SEMA3C: variants seen among roughly 807,000 people sequenced by gnomAD.
SEMA3C encodes semaphorin 3C.
In SEMA3C, 47 loss-of-function variants were observed where a neutral mutation model predicts 89.4. The ratio of observed to expected loss-of-function variants is 0.53; its 90% CI spans 0.42 to 0.67. The LOEUF (loss-of-function observed/expected upper bound fraction) is 0.67. Ranked by LOEUF, SEMA3C falls within the 30% of genes least tolerant of loss-of-function variation. SEMA3C has a pLI of 0.00. For missense variants in SEMA3C, 839 were observed against 929.1 expected (o/e 0.90, Z 1.26); for synonymous variants, 310 against 320.2 (o/e 0.97, Z 0.34).
At chr7:80,813,315 C>T (rs1789515285) in intron 5 of SEMA3C, among the ~76,000 whole-genome samples, 1 of 152,132 alleles carries the variant, frequency 6.6e-6, no homozygotes, top group East Asian at 1.9e-4. Flanking sequence ...TTTGTGATCA[C>T]CAACCACAAG....
At chr7:80,875,703 G>A (rs1320614248) in intron 2 of SEMA3C, among the ~76,000 whole-genome samples, 1 of 151,698 alleles carries the variant, frequency 6.6e-6, no homozygotes, top group African/African-American at 2.4e-5. Context: ...TGGGTGATCA[G>A]ACTGACTGCA....
intron 4 of SEMA3C, among the ~76,000 whole-genome samples, chr7:80,825,492 A>C (rs1789851353): frequency 6.6e-6 from 1 of 152,210 alleles, no homozygotes; most frequent in African/African-American, 2.4e-5. Flanking sequence ...GAAGATTTTT[A>C]TCTAATAACG....
chr7:80,806,891 G>A (rs560080968), intron 6 of SEMA3C, among the ~76,000 whole-genome samples: 10 of 151,958 alleles, frequency 6.6e-5, no homozygotes, highest in Non-Finnish European at 1.2e-4. Flanking sequence ...AGTACCAGTC[G>A]GCCCAGCATT....
chr7:80,903,889 T>C (rs940792719), intron 2 of SEMA3C, among the ~76,000 whole-genome samples: 1 of 152,122 alleles, frequency 6.6e-6, no homozygotes, highest in African/African-American at 2.4e-5. Flanking sequence ...TTCCCTATCT[T>C]CTACTTCCAC....
chr7:80,878,293 G>A (rs755692680), intron 2 of SEMA3C, among the ~76,000 whole-genome samples: 6 of 152,116 alleles, frequency 3.9e-5, no homozygotes, highest in African/African-American at 7.2e-5. Flanking sequence ...CAGGAGAATC[G>A]CTTGAACCTG....
chr7:80,804,604 T>C (rs1789293267), intron 7 of SEMA3C, among the ~76,000 whole-genome samples: 1 of 152,176 alleles, frequency 6.6e-6, no homozygotes, highest in African/African-American at 2.4e-5. Flanking sequence ...CTCAAATTTG[T>C]TGAAGCAGAA....
chr7:80,881,905 T>C (rs1276104323), intron 2 of SEMA3C, among the ~76,000 whole-genome samples: 1 of 152,130 alleles, frequency 6.6e-6, no homozygotes, highest in Non-Finnish European at 1.5e-5. Context: ...GATACAAGTA[T>C]CATCTATTGG....
chr7:80,913,140 C>T (rs910979871), intron 2 of SEMA3C, among the ~76,000 whole-genome samples: 4 of 152,170 alleles, frequency 2.6e-5, no homozygotes, highest in Non-Finnish European at 2.9e-5. Flanking sequence ...GTGGCTCACG[C>T]CTGTAATGTC....
Position 80,749,027 on chromosome 7 carries a change from T to A in SEMA3C, c.1713A>T (p.Ala571=), listed in dbSNP as rs201228749. The part of the protein sequence containing the change: ...LTQCRGFNLK[A]YRNAAEIVQY... ...GGACAATTTCAGCTGCATTTCTGTATGCTAGCAGGCAAAAATAAAAGGCGA... is the reference window on the plus strand; with the variant it reads ...GGACAATTTCAGCTGCATTTCTGTAAGCTAGCAGGCAAAAATAAAAGGCGA... Residue 571 remains alanine, a splice_region_variant and synonymous_variant, in exon 17 of 18, where the codon GCA becomes GCT. Transcript: ENST00000265361. 7.1e-5 allele frequency: 113 copies of A among 1,597,018 alleles called. No individual in the cohort carries two copies. In the Middle Eastern group the frequency reaches 8.4e-4, roughly 12 times the overall value.
chr7:80,887,915 A>C (rs551805154), intron 2 of SEMA3C, among the ~76,000 whole-genome samples: 1 of 152,314 alleles, frequency 6.6e-6, no homozygotes, highest in East Asian at 1.9e-4. Context: ...TATCAACAGT[A>C]AATAGTCTAC....
At chr7:80,904,013 A>C (rs1791948058) in intron 2 of SEMA3C, among the ~76,000 whole-genome samples, 1 of 152,176 alleles carries the variant, frequency 6.6e-6, no homozygotes, top group Non-Finnish European at 1.5e-5. Context: ...CCTATATGTT[A>C]GGCCTGATGA....
rs114525048 is a variant in SEMA3C, at chr7:80,760,307, C to A, written c.1485+1309G>T. Among the ~76,000 whole-genome samples the A allele has an allele frequency of 4.6e-4, 70 of 152,262 alleles. 1 individual carries two copies. Among genetic ancestry groups the A allele is most frequent in the African/African-American group, 1.5e-3 (63 of 41,548 alleles). On this transcript the variant is annotated intron_variant, in intron 14 of 17. Coordinates refer to ENST00000265361, the MANE Select transcript of SEMA3C (RefSeq NM_006379.5). ...AAAACTTGCATACAGGATTACTATGCCACACAAATGGCTTTGTGTCCATTT... is the reference window on the plus strand; with the variant it reads ...AAAACTTGCATACAGGATTACTATGACACACAAATGGCTTTGTGTCCATTT...
chr7:80,798,130 A>G lies in SEMA3C; in HGVS notation c.1093T>C (p.Ser365Pro). The part of the protein sequence containing the change: ...HKEGPNHQLI[S>P]YQGRIPYPRP... ...GGATATGGAATTCTGCCCTGATAGG[A>G]AATCAGCTGATGATTGGGCCCTTCT... The change falls in exon 11 of 18, where the codon TCC becomes CCC. Residue 365 changes from serine (S) to proline (P), a missense_variant. Transcript: ENST00000265361. 6.2e-7 allele frequency: 1 copy of G among 1,608,106 alleles called. No homozygotes were observed. The highest frequency in any genetic ancestry group is 1.3e-5 in the African/African-American group (1 of 74,538).
chr7:80,887,310 G>A (rs1323203533), intron 2 of SEMA3C, among the ~76,000 whole-genome samples: 14 of 152,090 alleles, frequency 9.2e-5, no homozygotes, highest in Admixed American at 9.2e-4. Context: ...ATAGTATGAG[G>A]AAACAAGTCA....
chr7:80,768,208 C>T (rs1788345793), intron 12 of SEMA3C, among the ~76,000 whole-genome samples: 1 of 152,172 alleles, frequency 6.6e-6, no homozygotes, highest in South Asian at 2.1e-4. Flanking sequence ...GCTTTGCAGC[C>T]GCTTCCTTAG....
intron 2 of SEMA3C, among the ~76,000 whole-genome samples, chr7:80,852,804 G>A (rs1274698251): frequency 6.6e-6 from 1 of 150,430 alleles, no homozygotes; most frequent in African/African-American, 2.4e-5. Flanking sequence ...TCAGCCTCCC[G>A]AGTAGCTGGG....
At chr7:80,822,914 C>T (rs2115786504) in intron 4 of SEMA3C, among the ~76,000 whole-genome samples, 1 of 152,186 alleles carries the variant, frequency 6.6e-6, no homozygotes, top group South Asian at 2.1e-4. Context: ...AGGTCCTGAC[C>T]ACAGTAAAAA....
chr7:80,827,787 C>T (rs1789910944), intron 3 of SEMA3C, among the ~76,000 whole-genome samples: 1 of 152,030 alleles, frequency 6.6e-6, no homozygotes, highest in Non-Finnish European at 1.5e-5. Context: ...CAATTTTTCA[C>T]TCCTTTTGAC....
In SEMA3C at chr7:80,894,320, AC is replaced by A. The variant is rs772027773; in HGVS notation, c.103+22358del. On this transcript the variant is annotated intron_variant, in intron 2 of 17. Coordinates refer to ENST00000265361, the MANE Select transcript of SEMA3C (RefSeq NM_006379.5). The stretch of plus-strand genomic sequence containing the variant: ...TGTAATTAGGAAATAAAATCTTTGT[AC>A]CTCCCTAATAACTGAATTATTAATA... 2.0e-5 allele frequency among the ~76,000 whole-genome samples: 3 copies of A among 150,026 alleles called. No individual in the cohort carries two copies. The South Asian group carries it at 6.2e-4, about 31-fold the overall frequency.
Sources: allele counts gnomAD v4.1 joint callset (sites outside exome capture counted in the v4.1 genomes callset), GRCh38; gene constraint gnomAD v4.1.1; transcripts MANE v1.5; gene names NCBI Gene and HGNC (gene_info 2026-07-23, HGNC 2026-07-21).